The following HDAC9 variants were observed in gnomAD, a reference collection of about 807,000 sequenced individuals.
HDAC9 encodes the protein MEF-2 interacting transcription repressor (MITR) protein.
A neutral mutation model predicts 139.4 loss-of-function variants in HDAC9; 41 were observed. That is an observed-to-expected ratio of 0.29 (90% CI 0.23 to 0.38). The LOEUF (loss-of-function observed/expected upper bound fraction) is 0.38. Ranked by LOEUF, HDAC9 falls within the 10% of genes least tolerant of loss-of-function variation. HDAC9 has a pLI of 1.00. For missense variants in HDAC9, 1,147 were observed against 1,297.0 expected, an observed-to-expected ratio of 0.88 and a Z score of 1.78; for synonymous variants, 517 against 476.2, an observed-to-expected ratio of 1.09 and a Z score of -1.12.
At chr7:18,262,422 T>A (rs1230201358) in intron 2 of HDAC9, among the ~76,000 whole-genome samples, 1 of 152,180 alleles carries the variant, frequency 6.6e-6, no homozygotes, top group Admixed American at 6.5e-5. Context: ...ATTAAGGCAT[T>A]TCCAGATAAA....
chr7:18,745,934 CA>C (rs1787932566), intron 13 of HDAC9, among the ~76,000 whole-genome samples: 1 of 147,072 alleles, frequency 6.8e-6, no homozygotes, highest in Admixed American at 6.8e-5. Context: ...CCCTGTGGCC[CA>C]GGCTGGAGTG....
intron 7 of HDAC9, among the ~76,000 whole-genome samples, chr7:18,632,676 A>G (rs1395993461): frequency 1.3e-5 from 2 of 152,064 alleles, no homozygotes; most frequent in African/African-American, 4.8e-5. Flanking sequence ...GAGCAGAGGG[A>G]CATGGTGTGA....
intron 11 of HDAC9, among the ~76,000 whole-genome samples, chr7:18,655,094 A>G (rs867826186): frequency 1.7e-4 from 26 of 152,302 alleles, no homozygotes; most frequent in Middle Eastern, 3.4e-3. Context: ...AAATGTTGGC[A>G]TCTCATCTAT....
At chr7:18,984,903 T>TTG (rs976813728) in intron 25 of HDAC9, among the ~76,000 whole-genome samples, 19 of 151,750 alleles carry the variant, frequency 1.3e-4, no homozygotes, top group African/African-American at 3.9e-4. Flanking sequence ...AGGTGTGAGT[T>TTG]TGTGTGTGTG....
At chr7:18,588,601 A>G (rs961506491) in intron 3 of HDAC9, among the ~76,000 whole-genome samples, 2 of 152,170 alleles carry the variant, frequency 1.3e-5, no homozygotes, top group Middle Eastern at 3.2e-3. Context: ...CATGTGGACA[A>G]TCTCTGGTTG....
At chr7:18,756,351 G>A (rs918868803) in intron 14 of HDAC9, among the ~76,000 whole-genome samples, 4 of 152,194 alleles carry the variant, frequency 2.6e-5, no homozygotes, top group East Asian at 1.9e-4. Context: ...TATTAAAAGC[G>A]TTTATTATTT....
At chr7:18,107,316 A>G (rs957945517) in intron 1 of HDAC9, among the ~76,000 whole-genome samples, 1 of 152,154 alleles carries the variant, frequency 6.6e-6, no homozygotes, top group Non-Finnish European at 1.5e-5. Flanking sequence ...CTTTACAACT[A>G]AATTCCAGTA....
intron 1 of HDAC9, among the ~76,000 whole-genome samples, chr7:18,319,233 A>G (rs1401396447): frequency 2.0e-5 from 3 of 152,142 alleles, no homozygotes; most frequent in African/African-American, 4.8e-5. Context: ...GCTGGTGAAG[A>G]TTTGTTTGGG....
chr7:18,938,499 T>G (rs1781809464), intron 23 of HDAC9, among the ~76,000 whole-genome samples: 1 of 150,772 alleles, frequency 6.6e-6, no homozygotes, highest in Non-Finnish European at 1.5e-5. Context: ...GGAGCCTGAG[T>G]CAGGAGAATG....
At chr7:18,980,871 T>G (rs1369805292) in intron 25 of HDAC9, among the ~76,000 whole-genome samples, 1 of 151,564 alleles carries the variant, frequency 6.6e-6, no homozygotes, top group African/African-American at 2.4e-5. Context: ...TCACCCAGGC[T>G]AGAATGCAGT....
At chr7:18,822,299 C>G (rs890812696) in intron 17 of HDAC9, among the ~76,000 whole-genome samples, 6 of 152,098 alleles carry the variant, frequency 3.9e-5, no homozygotes, top group Non-Finnish European at 7.4e-5. Context: ...CAAAAAGACA[C>G]CTTTCACTTC....
chr7:18,301,570 C>A (rs1798543070), intron 1 of HDAC9, among the ~76,000 whole-genome samples: 1 of 151,802 alleles, frequency 6.6e-6, no homozygotes, highest in Non-Finnish European at 1.5e-5. Flanking sequence ...TATTTAAATG[C>A]AGAAATGGAG....
intron 16 of HDAC9, among the ~76,000 whole-genome samples, chr7:18,789,275 G>GACACACACAC (rs1459579745): frequency 2.2e-5 from 2 of 91,966 alleles, no homozygotes; most frequent in East Asian, 4.9e-4. Flanking sequence ...TGCACACGCA[G>GACACACACAC]ACACATACAC....
Position 18,940,901 on chromosome 7 carries a change from C to T in HDAC9, c.2937+4959C>T, listed in dbSNP as rs1368314754. Among the ~76,000 whole-genome samples, 4 of 152,046 alleles carry T rather than the reference C, an allele frequency of 2.6e-5. 1 individual carries two copies. The highest frequency in any genetic ancestry group is 9.7e-5 in the African/African-American group (4 of 41,414). ...CAAGCAAGTCAAAGAAAGGAGAGGA[C>T]ATGTAGTAGTAGAAGCCTTGGGTAG... On this transcript the variant is annotated intron_variant, in intron 23 of 25. Coordinates refer to ENST00000686413, the MANE Select transcript of HDAC9 (RefSeq NM_178425.4).
intron 21 of HDAC9, among the ~76,000 whole-genome samples, chr7:18,837,905 G>T (rs1018300588): frequency 6.6e-6 from 1 of 152,054 alleles, no homozygotes; most frequent in Non-Finnish European, 1.5e-5. Context: ...TGCCTGGAAG[G>T]TGGACACTTT....
intron 2 of HDAC9, among the ~76,000 whole-genome samples, chr7:18,194,641 T>C (rs1418737776): frequency 6.6e-6 from 1 of 152,180 alleles, no homozygotes; most frequent in Non-Finnish European, 1.5e-5. Flanking sequence ...CCCTAATTAT[T>C]TCTCTGGATC....
intron 2 of HDAC9, among the ~76,000 whole-genome samples, chr7:18,222,556 A>C (rs955010227): frequency 2.0e-5 from 3 of 152,150 alleles, no homozygotes; most frequent in Non-Finnish European, 4.4e-5. Flanking sequence ...GTATACATTA[A>C]AAAGTGAATG....
At chr7:18,733,559 G>A (rs1786596007) in intron 13 of HDAC9, among the ~76,000 whole-genome samples, 1 of 151,252 alleles carries the variant, frequency 6.6e-6, no homozygotes, top group African/African-American at 2.4e-5. Flanking sequence ...CTTTATTTAG[G>A]AGATTAATTC....
intron 2 of HDAC9, among the ~76,000 whole-genome samples, chr7:18,273,121 A>C (rs1796495503): frequency 7.6e-6 from 1 of 132,254 alleles, no homozygotes; most frequent in Non-Finnish European, 1.5e-5. Flanking sequence ...GCTGGAGTGC[A>C]GTGACATCAT....
Sources: allele counts gnomAD v4.1 joint callset (sites outside exome capture counted in the v4.1 genomes callset), GRCh38; gene constraint gnomAD v4.1.1; transcripts MANE v1.5; gene names NCBI Gene and HGNC (gene_info 2026-07-23, HGNC 2026-07-21).